The following MYO6 variants were observed in gnomAD, a reference collection of about 807,000 sequenced individuals.
MYO6 encodes the protein unconventional myosin-VI.
MYO6 carries 74 observed loss-of-function variants against 178.7 expected under a neutral mutation model. The ratio of observed to expected loss-of-function variants is 0.41; its 90% CI spans 0.34 to 0.50. MYO6 has a LOEUF of 0.50. MYO6 is among the 20% of genes least tolerant of loss of function. The pLI is 0.09. For synonymous variants in MYO6, 477 were observed against 504.6 expected (o/e 0.95, Z 0.73); for missense variants, 1,330 against 1,547.4 (o/e 0.86, Z 2.36).
In MYO6 at chr6:75,848,458, T is replaced by C. The variant is rs1774934540; in HGVS notation, c.1005T>C (p.Leu335=). 1 of 1,613,972 alleles carries C rather than the reference T, an allele frequency of 6.2e-7. No homozygotes were observed. Among genetic ancestry groups the C allele is most frequent in the East Asian group, 2.2e-5 (1 of 44,868 alleles). ...KKIGLDDEEK[L]DLFRVVAGVL... ...TTGGTTTGGATGATGAAGAAAAGCT[T>C]GATCTCTTCCGGGTAGTAGCTGGCG... The change falls in exon 11 of 35, where the codon CTT becomes CTC. Residue 335 remains leucine, a synonymous_variant. Coordinates refer to ENST00000369977, the MANE Select transcript of MYO6 (RefSeq NM_004999.4).
intron 23 of MYO6, among the ~76,000 whole-genome samples, chr6:75,882,513 G>T (rs940599083): frequency 6.6e-6 from 1 of 151,938 alleles, no homozygotes; most frequent in East Asian, 1.9e-4. Flanking sequence ...TTTTTTGAAC[G>T]GAAGTCTGTC....
rs371031751 is a variant in MYO6, at chr6:75,769,561, G to A, written c.-48+20138G>A. On this transcript the variant is annotated intron_variant, in intron 1 of 34. Coordinates refer to ENST00000369977, the MANE Select transcript of MYO6 (RefSeq NM_004999.4). ...CAGGGCACACTGGTGCAAGTCGTGGGCTCCCAAGGTCTCGGGCAGCTCCAC... is the reference window on the plus strand; with the variant it reads ...CAGGGCACACTGGTGCAAGTCGTGGACTCCCAAGGTCTCGGGCAGCTCCAC... Among the ~76,000 whole-genome samples, 25 of 152,342 alleles carry A rather than the reference G, an allele frequency of 1.6e-4. No individual in the cohort carries two copies. In the East Asian group the frequency reaches 3.9e-3, roughly 23 times the overall value.
intron 33 of MYO6, 98 bp from the exon 34 acceptor site, chr6:75,913,961 CCTTT>C: frequency 1.1e-6 from 1 of 933,524 alleles, no homozygotes. Flanking sequence ...CTATTAGGGA[CCTTT>C]CTTCTTTTTA....
chr6:75,760,519 C>T (rs928098900), intron 1 of MYO6, among the ~76,000 whole-genome samples: 2 of 151,846 alleles, frequency 1.3e-5, no homozygotes, highest in South Asian at 2.1e-4. Context: ...AAGGAAAAGC[C>T]GTATTGTGCA....
chr6:75,757,972 CTTTTT>C (rs71002761), intron 1 of MYO6, among the ~76,000 whole-genome samples: 4 of 74,298 alleles, frequency 5.4e-5, no homozygotes, highest in Non-Finnish European at 7.0e-5. Flanking sequence ...TTGAAGTTGG[CTTTTT>C]TTTTTTTTTT....
At position 75,865,663 on chromosome 6, in the gene MYO6, C is replaced by T. The variant is rs899688855; in HGVS notation, c.1675-863C>T. On this transcript the variant is annotated intron_variant, in intron 16 of 34. Transcript: ENST00000369977. Reference sequence around the variant, plus strand: ...TATAGGTGTGTGCCACCACACCTAGCCCAACATCACTTTTCTTACCCTTAG... The same window carrying T: ...TATAGGTGTGTGCCACCACACCTAGTCCAACATCACTTTTCTTACCCTTAG... Among the ~76,000 whole-genome samples, 7 of 152,144 alleles carry T rather than the reference C, an allele frequency of 4.6e-5. No individual in the cohort carries two copies. The South Asian group carries it at 8.3e-4, about 18-fold the overall frequency.
chr6:75,784,352 G>T (rs1053955129), intron 1 of MYO6, among the ~76,000 whole-genome samples: 2 of 147,232 alleles, frequency 1.4e-5, no homozygotes, highest in Non-Finnish European at 3.0e-5. Context: ...AGGGAAGTTT[G>T]AAAAAAAAAA....
chr6:75,892,428 G>A, intron 27 of MYO6, 102 bp from the exon 28 acceptor site: 1 of 1,465,788 alleles, frequency 6.8e-7, no homozygotes, highest in South Asian at 1.1e-5. Flanking sequence ...TAAAGAACTT[G>A]TATGGGGGCA....
At chr6:75,899,883 C>G (rs1370653749) in intron 30 of MYO6, among the ~76,000 whole-genome samples, 1 of 107,160 alleles carries the variant, frequency 9.3e-6, no homozygotes, top group Non-Finnish European at 1.8e-5. Context: ...TATCCCTCCC[C>G]CCTCCCCCCA....
At chr6:75,858,321 G>T (rs1775900509) in intron 13 of MYO6, among the ~76,000 whole-genome samples, 1 of 152,024 alleles carries the variant, frequency 6.6e-6, no homozygotes, top group African/African-American at 2.4e-5. Context: ...TTAAAAAATT[G>T]TTGGCCGGGT....
chr6:75,834,011 A>G (rs1773390132), intron 6 of MYO6, among the ~76,000 whole-genome samples: 2 of 152,194 alleles, frequency 1.3e-5, no homozygotes, highest in South Asian at 4.1e-4. Context: ...TGGTTAGACA[A>G]AGGGTGATCT....
chr6:75,805,021 A>ATATATATATATATTTTTTTTT (rs1252912172), intron 1 of MYO6, among the ~76,000 whole-genome samples: 1 of 77,312 alleles, frequency 1.3e-5, no homozygotes, highest in African/African-American at 1.0e-4. Flanking sequence ...ATATATATAT[A>ATATATATATATATTTTTTTTT]TTTTTTTTTT....
intron 17 of MYO6, 59 bp downstream of exon 17, chr6:75,866,680 T>G: frequency 7.3e-7 from 1 of 1,371,680 alleles, no homozygotes; most frequent in South Asian, 1.2e-5. Context: ...CTGTACAGTA[T>G]GATAGCTTCT....
chr6:75,751,950 A>G (rs1023392187), intron 1 of MYO6, among the ~76,000 whole-genome samples: 2 of 151,892 alleles, frequency 1.3e-5, no homozygotes, highest in African/African-American at 4.8e-5. Flanking sequence ...ATCTAAAAAT[A>G]TTGGGAAGTG....
intron 1 of MYO6, among the ~76,000 whole-genome samples, chr6:75,767,215 C>T (rs144347597): frequency 5.1e-4 from 78 of 151,960 alleles, no homozygotes; most frequent in African/African-American, 1.7e-3. Flanking sequence ...TTAGTAGAGA[C>T]GAGTTTTACC....
chr6:75,885,738 G>T (rs777798783), intron 23 of MYO6, among the ~76,000 whole-genome samples: 2 of 152,108 alleles, frequency 1.3e-5, no homozygotes, highest in Non-Finnish European at 2.9e-5. Context: ...GAGCCACCGC[G>T]CCCGGCCGAG....
intron 1 of MYO6, among the ~76,000 whole-genome samples, chr6:75,817,168 G>C (rs1771344492): frequency 6.6e-6 from 1 of 152,114 alleles, no homozygotes; most frequent in African/African-American, 2.4e-5. Context: ...AGCTGGGTGT[G>C]GTGGCAGATG....
chr6:75,855,709 C>T (rs892111378), intron 12 of MYO6, among the ~76,000 whole-genome samples: 8 of 152,086 alleles, frequency 5.3e-5, no homozygotes, highest in Non-Finnish European at 8.8e-5. Context: ...TTACAAATGA[C>T]GAGAAATAAG....
At chr6:75,887,983 A>AT (rs1778594550) in intron 25 of MYO6, among the ~76,000 whole-genome samples, 1 of 150,654 alleles carries the variant, frequency 6.6e-6, no homozygotes, top group African/African-American at 2.4e-5. Context: ...CGTCTCAAAA[A>AT]AAATAAATAA....
Sources: gnomAD v4.1 joint callset for allele counts (sites outside exome capture counted in the v4.1 genomes callset) on GRCh38, gnomAD v4.1.1 for gene constraint, MANE v1.5 for transcripts, NCBI Gene and HGNC (gene_info 2026-07-23, HGNC 2026-07-21) for gene names.